Variants in SOX5 observed in about 807,000 individuals in gnomAD.
SOX5 encodes the protein transcription factor SOX-5.
A neutral mutation model predicts 92.0 loss-of-function variants in SOX5; 9 were observed. The observed-to-expected ratio is 0.10, with a 90% confidence interval of 0.06 to 0.17. The LOEUF (loss-of-function observed/expected upper bound fraction) is 0.17. SOX5 is among the 10% of genes least tolerant of loss of function. SOX5 has a pLI of 1.00. For missense variants in SOX5, 642 were observed against 944.5 expected (o/e 0.68, Z 4.20); for synonymous variants, 344 against 336.3 (o/e 1.02, Z -0.25).
At chr12:24,292,633 A>G (rs1243473125) in intron 2 of SOX5, among the ~76,000 whole-genome samples, 1 of 152,222 alleles carries the variant, frequency 6.6e-6, no homozygotes, top group Admixed American at 6.5e-5. Flanking sequence ...GTAGAGATAA[A>G]GAAGATAATC....
At chr12:23,925,677 G>T (rs900674319) in intron 1 of SOX5, among the ~76,000 whole-genome samples, 1 of 152,108 alleles carries the variant, frequency 6.6e-6, no homozygotes, top group South Asian at 2.1e-4. Flanking sequence ...GGCCATAAAT[G>T]ATTTTAGCAA....
chr12:24,056,139 CA>C (rs950242951), intron 4 of SOX5, among the ~76,000 whole-genome samples: 1 of 152,120 alleles, frequency 6.6e-6, no homozygotes, highest in African/African-American at 2.4e-5. Flanking sequence ...AACTATTTGT[CA>C]TTAAAAAAAT....
intron 4 of SOX5, among the ~76,000 whole-genome samples, chr12:24,176,187 G>T (rs1216560423): frequency 1.3e-5 from 2 of 152,022 alleles, no homozygotes; most frequent in East Asian, 3.9e-4. Context: ...AAATTAGCTG[G>T]GTGTGGTGGT....
At chr12:23,996,620 T>C (rs915701945) in intron 4 of SOX5, among the ~76,000 whole-genome samples, 1 of 152,212 alleles carries the variant, frequency 6.6e-6, no homozygotes, top group Non-Finnish European at 1.5e-5. Flanking sequence ...GGAATATTAC[T>C]TTGCCATGAA....
At chr12:24,098,057 T>C (rs1365321021) in intron 4 of SOX5, among the ~76,000 whole-genome samples, 1 of 152,196 alleles carries the variant, frequency 6.6e-6, no homozygotes, top group Non-Finnish European at 1.5e-5. Flanking sequence ...TTATGAATTT[T>C]AGTCACTAGA....
At chr12:23,694,624 CCAA>C (rs1245913736) in intron 6 of SOX5, among the ~76,000 whole-genome samples, 2 of 152,044 alleles carry the variant, frequency 1.3e-5, no homozygotes, top group Non-Finnish European at 2.9e-5. Context: ...CAGAAAACCA[CCAA>C]CAACACAATC....
chr12:24,318,315 G>C lies in SOX5; in HGVS notation c.-173-41003C>G, dbSNP rs1949898237. On this transcript the variant is annotated intron_variant, in intron 2 of 4. Coordinates refer to the SOX5 transcript ENST00000446891. ...GGATGTAAGCAAAAGCAGTGTGTGT[G>C]ATTTCTGGGACAGTTGGGTAGGATG... 3.9e-5 allele frequency among the ~76,000 whole-genome samples: 6 copies of C among 152,208 alleles called. No individual in the cohort carries two copies. In the South Asian group the frequency reaches 1.2e-3, roughly 31 times the overall value.
Position 23,814,473 on chromosome 12 carries a change from G to T in SOX5, c.481+31510C>A, listed in dbSNP as rs559484818. Among the ~76,000 whole-genome samples the T allele has an allele frequency of 2.5e-3, 384 of 152,308 alleles. 2 individuals carry two copies. The highest frequency in any genetic ancestry group is 4.5e-3 in the Non-Finnish European group (303 of 68,016). ...GAAGCAGGACCCCAATACTGGAAGT[G>T]AGGAAACTGAAAAGTTCCCTTGAAG... On this transcript the variant is annotated intron_variant, in intron 3 of 14. Transcript: ENST00000451604.
intron 1 of SOX5, among the ~76,000 whole-genome samples, chr12:23,919,531 ACTGAGCTATATGTCCATAT>A (rs2097458216): frequency 6.6e-6 from 1 of 152,250 alleles, no homozygotes; most frequent in Non-Finnish European, 1.5e-5. Context: ...AAGATATCAC[ACTGAGCTATATGTCCATAT>A]CTGGCTATCT....
chr12:23,781,628 CTT>C (rs1244336172), intron 3 of SOX5, among the ~76,000 whole-genome samples: 2 of 152,034 alleles, frequency 1.3e-5, no homozygotes, highest in African/African-American at 4.8e-5. Context: ...AAATTTAACA[CTT>C]TAAGTAAAAC....
At chr12:23,787,952 C>A (rs63746260) in intron 3 of SOX5, among the ~76,000 whole-genome samples, 17,617 of 61,572 alleles carry the variant, frequency 0.29, 1,184 homozygotes, top group Non-Finnish European at 0.33. Context: ...AGGATCTGAG[C>A]AAAGAGTCTT....
At chr12:23,821,689 T>C (rs536082973) in intron 3 of SOX5, among the ~76,000 whole-genome samples, 2 of 152,228 alleles carry the variant, frequency 1.3e-5, no homozygotes, top group Non-Finnish European at 2.9e-5. Flanking sequence ...TCGTGGTAGA[T>C]AAGCTTTTTA....
intron 4 of SOX5, among the ~76,000 whole-genome samples, chr12:24,076,033 G>T (rs145697846): frequency 3.3e-5 from 5 of 152,146 alleles, no homozygotes; most frequent in African/African-American, 1.2e-4. Context: ...GAAAATGGTT[G>T]TAACTTTCGC....
chr12:24,499,576 A>T (rs1947985435), intron 1 of SOX5, among the ~76,000 whole-genome samples: 1 of 152,196 alleles, frequency 6.6e-6, no homozygotes, highest in African/African-American at 2.4e-5. Context: ...GAGGGTCTTC[A>T]ACAACAGAAG....
At chr12:23,995,539 A>G (rs939026918) in intron 4 of SOX5, among the ~76,000 whole-genome samples, 3 of 152,074 alleles carry the variant, frequency 2.0e-5, no homozygotes, top group Admixed American at 1.3e-4. Context: ...CTACAAAAAA[A>G]CTTTTAAAAA....
intron 1 of SOX5, among the ~76,000 whole-genome samples, chr12:24,464,083 G>A (rs1943947543): frequency 6.6e-6 from 1 of 152,162 alleles, no homozygotes. Context: ...TAGATAGGAT[G>A]TTTAAATTTT....
At chr12:24,073,012 G>T (rs1302810313) in intron 4 of SOX5, among the ~76,000 whole-genome samples, 1 of 151,976 alleles carries the variant, frequency 6.6e-6, no homozygotes. Context: ...ATACCTCAAA[G>T]AAAAGTAAAA....
intron 6 of SOX5, among the ~76,000 whole-genome samples, chr12:23,680,054 G>A (rs566575283): frequency 6.6e-6 from 1 of 152,016 alleles, no homozygotes; most frequent in South Asian, 2.1e-4. Flanking sequence ...GGCCGGGCAT[G>A]GTGGCTCATG....
chr12:24,210,643 TA>T (rs1436141586), intron 4 of SOX5, among the ~76,000 whole-genome samples: 5 of 152,192 alleles, frequency 3.3e-5, no homozygotes, highest in African/African-American at 1.2e-4. Context: ...AAATATTATA[TA>T]TCATTATCAT....
Sources: allele counts gnomAD v4.1 joint callset (sites outside exome capture counted in the v4.1 genomes callset), GRCh38; gene constraint gnomAD v4.1.1; transcripts MANE v1.5; gene names NCBI Gene and HGNC (gene_info 2026-07-23, HGNC 2026-07-21).